Variants in TENM2 observed in about 807,000 individuals in gnomAD.
TENM2 encodes teneurin-2.
TENM2 carries 52 observed loss-of-function variants against 245.2 expected under a neutral mutation model. The ratio of observed to expected loss-of-function variants is 0.21; its 90% CI spans 0.17 to 0.27. The LOEUF is 0.27. Ranked by LOEUF, TENM2 falls within the 10% of genes least tolerant of loss-of-function variation. TENM2 has a pLI of 1.00. For missense variants in TENM2, 3,046 were observed against 3,666.8 expected (o/e 0.83, Z 4.37); for synonymous variants, 1,363 against 1,438.9 (o/e 0.95, Z 1.19).
intron 3 of TENM2, among the ~76,000 whole-genome samples, chr5:167,913,764 C>T (rs1393944761): frequency 6.6e-6 from 1 of 152,166 alleles, no homozygotes; most frequent in Non-Finnish European, 1.5e-5. Context: ...ACTGTGATGC[C>T]CACCTAACTG....
the TENM2 span, among the ~76,000 whole-genome samples, chr5:167,132,924 T>G: frequency 6.6e-6 from 1 of 152,184 alleles, no homozygotes; most frequent in Non-Finnish European, 1.5e-5. Flanking sequence ...TCAGTGGAAG[T>G]GTGGAAGCTC....
intron 5 of TENM2, among the ~76,000 whole-genome samples, chr5:167,996,719 TTTTGTTTG>T (rs71281808): frequency 1.3e-5 from 2 of 150,870 alleles, no homozygotes; most frequent in Non-Finnish European, 2.9e-5. Context: ...TTGAATCACT[TTTTGTTTG>T]TTTGTTTGTT....
intron 2 of TENM2, among the ~76,000 whole-genome samples, chr5:167,720,871 G>A (rs1333819518): frequency 6.6e-6 from 1 of 152,188 alleles, no homozygotes; most frequent in Non-Finnish European, 1.5e-5. Flanking sequence ...CTACTTGAAT[G>A]TAAAATGTAT....
intron 2 of TENM2, among the ~76,000 whole-genome samples, chr5:167,680,837 T>A (rs1756659589): frequency 6.6e-6 from 1 of 152,200 alleles, no homozygotes. Flanking sequence ...AGGCATTTTT[T>A]ATAAATCTGG....
chr5:168,010,876 T>C (rs191960637), intron 5 of TENM2, among the ~76,000 whole-genome samples: 81 of 152,354 alleles, frequency 5.3e-4, no homozygotes, highest in African/African-American at 1.9e-3. Flanking sequence ...TATTAAAAAA[T>C]GGAATGAGGC....
intron 14 of TENM2, among the ~76,000 whole-genome samples, chr5:168,193,899 G>A (rs1440384539): frequency 6.6e-6 from 1 of 152,150 alleles, no homozygotes; most frequent in East Asian, 1.9e-4. Context: ...GCTAAAAATG[G>A]CATTCATTTG....
At chr5:167,662,009 T>TG (rs1755239988) in intron 2 of TENM2, among the ~76,000 whole-genome samples, 1 of 152,206 alleles carries the variant, frequency 6.6e-6, no homozygotes, top group Non-Finnish European at 1.5e-5. Context: ...AGGGCCTGAT[T>TG]GGCCAGGTTT....
At chr5:167,597,160 CTTTTCTTTTTTT>C (rs912372835) in intron 2 of TENM2, among the ~76,000 whole-genome samples, 1 of 102,236 alleles carries the variant, frequency 9.8e-6, no homozygotes, top group African/African-American at 3.2e-5. Flanking sequence ...CTTTTCTTTT[CTTTTCTTTTTTT>C]TTTTTTTTTT....
rs144399470 is a variant in TENM2 at position 167,948,707 on chromosome 5, A to G, written c.713-3881A>G. The G allele has an allele frequency of 4.6e-5, 7 of 152,338 alleles. No individual in the cohort carries two copies. The East Asian group carries it at 9.6e-4, about 21-fold the overall frequency. 9.4% of individuals were successfully genotyped at this position (152,338 alleles called of 1,614,324 possible). On this transcript the variant is annotated intron_variant, in intron 3 of 28. Transcript: ENST00000518659. ...GATACTGTGTAAGAATTTACCTTAT[A>G]TAGTTTCTTATGTTTAAATTGCATT...
chr5:167,834,300 G>A (rs1768773095), intron 2 of TENM2, among the ~76,000 whole-genome samples: 1 of 152,150 alleles, frequency 6.6e-6, no homozygotes, highest in African/African-American at 2.4e-5. Context: ...ACTACAAAAA[G>A]TAGGTCCTGG....
At position 168,216,751 on chromosome 5, in the gene TENM2, C is replaced by A; in HGVS notation, c.4079-17C>A. 6.2e-7 allele frequency: 1 copy of A among 1,613,686 alleles called. No homozygotes were observed. The highest frequency in any genetic ancestry group is 8.5e-7 in the Non-Finnish European group (1 of 1,179,634). On this transcript the variant is annotated splice_polypyrimidine_tract_variant and intron_variant, in intron 21 of 28. Coordinates refer to ENST00000518659, the Ensembl canonical transcript of TENM2. ...CACCTTTCCAAGAGATAAATCCACA[C>A]CGCTTGTCTTGCTCAGGTATTGCAG... is the stretch of plus-strand genomic sequence containing the variant.
chr5:167,942,240 C>T (rs578062000), intron 3 of TENM2, among the ~76,000 whole-genome samples: 23 of 152,200 alleles, frequency 1.5e-4, no homozygotes, highest in Middle Eastern at 3.4e-3. Context: ...AATAATTAGC[C>T]TATTCAGGTG....
chr5:168,088,801 C>G (rs1319529468), intron 7 of TENM2, among the ~76,000 whole-genome samples: 2 of 152,196 alleles, frequency 1.3e-5, no homozygotes, highest in Admixed American at 6.5e-5. Context: ...ATTATAGAGT[C>G]TTTTGTTTTC....
chr5:167,431,522 G>A (rs1034822454), intron 2 of TENM2, among the ~76,000 whole-genome samples: 1 of 152,072 alleles, frequency 6.6e-6, no homozygotes, highest in African/African-American at 2.4e-5. Flanking sequence ...TTGAATGAAA[G>A]GAAATTTAAG....
At chr5:167,197,470 A>G in the TENM2 span, among the ~76,000 whole-genome samples, 2 of 152,250 alleles carry the variant, frequency 1.3e-5, no homozygotes, top group South Asian at 4.1e-4. Context: ...AAATTGGACT[A>G]TAAGAGCCAA....
chr5:167,760,840 G>A (rs1387059168), intron 2 of TENM2, among the ~76,000 whole-genome samples: 2 of 152,154 alleles, frequency 1.3e-5, no homozygotes, highest in Non-Finnish European at 2.9e-5. Context: ...TTTTAGTAGA[G>A]ACGGGTCACC....
At chr5:167,727,281 G>A (rs1760088437) in intron 2 of TENM2, among the ~76,000 whole-genome samples, 1 of 151,470 alleles carries the variant, frequency 6.6e-6, no homozygotes, top group African/African-American at 2.4e-5. Flanking sequence ...GGCTAATTTT[G>A]TTTTGTAATT....
chr5:167,354,896 G>A lies in TENM2; in HGVS notation c.227-20302G>A, dbSNP rs555048218. ...CCATCCTTTTACTTTCAAAAGAATC[G>A]GAAGCCTCAGGGGATTAAGGACACA... is the stretch of plus-strand genomic sequence containing the variant. On this transcript the variant is annotated intron_variant, in intron 1 of 28. Coordinates refer to ENST00000518659, the Ensembl canonical transcript of TENM2. 2.6e-4 allele frequency among the ~76,000 whole-genome samples: 39 copies of A among 152,144 alleles called. No individual in the cohort carries two copies. The South Asian group carries it at 5.0e-3, about 19-fold the overall frequency.
chr5:167,980,549 C>T (rs1156548556), intron 4 of TENM2, among the ~76,000 whole-genome samples: 1 of 152,044 alleles, frequency 6.6e-6, no homozygotes, highest in Admixed American at 6.6e-5. Flanking sequence ...GAGCAGAGCA[C>T]GGAGAGGTTA....
Sources: allele counts gnomAD v4.1 joint callset (sites outside exome capture counted in the v4.1 genomes callset), GRCh38; gene constraint gnomAD v4.1.1; transcripts MANE v1.5; gene names NCBI Gene and HGNC (gene_info 2026-07-23, HGNC 2026-07-21).